Variants in CA10 observed in about 807,000 individuals in gnomAD.
CA10 encodes carbonic anhydrase-related protein 10.
A neutral mutation model predicts 44.2 loss-of-function variants in CA10; 14 were observed. That is an observed-to-expected ratio of 0.32 (90% CI 0.21 to 0.50). CA10 has a LOEUF of 0.50. Ranked by LOEUF, CA10 falls within the 20% of genes least tolerant of loss-of-function variation. The pLI, the probability that CA10 is intolerant of heterozygous loss-of-function variation, is 0.99. For missense variants in CA10, 350 were observed against 409.7 expected, an observed-to-expected ratio of 0.85 and a Z score of 1.26; for synonymous variants, 159 against 141.6, an observed-to-expected ratio of 1.12 and a Z score of -0.87.
intron 4 of CA10, among the ~76,000 whole-genome samples, chr17:51,743,583 T>C (rs1904547624): frequency 6.6e-6 from 1 of 152,214 alleles, no homozygotes; most frequent in Non-Finnish European, 1.5e-5. Context: ...ACAAAGCAAA[T>C]GATTACCATC....
intron 6 of CA10, among the ~76,000 whole-genome samples, chr17:51,643,135 C>T (rs943960908): frequency 2.6e-5 from 4 of 152,156 alleles, no homozygotes; most frequent in Non-Finnish European, 5.9e-5. Flanking sequence ...CTTTGCACTT[C>T]ATTGGTCACT....
At chr17:51,778,278 G>A (rs867984481) in intron 3 of CA10, among the ~76,000 whole-genome samples, 3 of 152,120 alleles carry the variant, frequency 2.0e-5, no homozygotes. Context: ...GGACAAAGCC[G>A]CTATTGGGCA....
chr17:51,785,896 A>C (rs191152466), intron 3 of CA10, among the ~76,000 whole-genome samples: 119 of 152,370 alleles, frequency 7.8e-4, no homozygotes, highest in African/African-American at 2.7e-3. Flanking sequence ...TGCCTTGGGC[A>C]GTATGGACAT....
At chr17:52,026,703 C>T (rs1160233043) in intron 2 of CA10, among the ~76,000 whole-genome samples, 1 of 152,072 alleles carries the variant, frequency 6.6e-6, no homozygotes, top group East Asian at 1.9e-4. Flanking sequence ...CTTTATAAAA[C>T]CCTGAGATTT....
At chr17:51,735,830 T>TAA (rs11402207) in intron 4 of CA10, among the ~76,000 whole-genome samples, 2,342 of 147,178 alleles carry the variant, frequency 0.016, 47 homozygotes, top group African/African-American at 0.041. Context: ...AAAAACAAAG[T>TAA]AAAAAAAAAA....
chr17:51,760,577 G>T (rs1905190924), intron 3 of CA10, among the ~76,000 whole-genome samples: 1 of 152,218 alleles, frequency 6.6e-6, no homozygotes, highest in Admixed American at 6.5e-5. Flanking sequence ...TGCAGGAAAA[G>T]GAGGGGATGG....
intron 3 of CA10, among the ~76,000 whole-genome samples, chr17:51,813,379 A>C (rs1478720921): frequency 1.3e-5 from 2 of 152,226 alleles, no homozygotes; most frequent in Non-Finnish European, 2.9e-5. Flanking sequence ...GGCTTCCATC[A>C]GGCGCTGGCC....
chr17:52,159,983 GA>G (rs1989906787), upstream of CA10: 1 of 152,172 alleles, frequency 6.6e-6, no homozygotes, highest in Admixed American at 6.5e-5. Flanking sequence ...GAAGATCCAG[GA>G]TTTCTCGGCG....
chr17:51,962,356 T>C (rs577145023), intron 2 of CA10, among the ~76,000 whole-genome samples: 6 of 152,348 alleles, frequency 3.9e-5, no homozygotes, highest in Non-Finnish European at 7.3e-5. Context: ...TTGGTGCTGA[T>C]GCATGTGGCT....
chr17:51,751,274 AAG>A (rs1904881015), intron 3 of CA10, among the ~76,000 whole-genome samples: 1 of 152,210 alleles, frequency 6.6e-6, no homozygotes, highest in Admixed American at 6.5e-5. Flanking sequence ...GGGAGGGAGG[AAG>A]AGAGAGTTAG....
chr17:52,072,851 C>G (rs1004597330), intron 1 of CA10, among the ~76,000 whole-genome samples: 2 of 151,930 alleles, frequency 1.3e-5, no homozygotes, highest in African/African-American at 4.8e-5. Context: ...AAAGGTATAC[C>G]CAGCCAGCTT....
intron 6 of CA10, among the ~76,000 whole-genome samples, chr17:51,645,177 C>A (rs539073069): frequency 8.5e-5 from 13 of 152,162 alleles, no homozygotes; most frequent in African/African-American, 3.1e-4. Flanking sequence ...ATGGTCAGTG[C>A]CATCGTCTCA....
intron 3 of CA10, among the ~76,000 whole-genome samples, chr17:51,827,214 G>T (rs902935888): frequency 6.6e-6 from 1 of 152,086 alleles, no homozygotes; most frequent in Non-Finnish European, 1.5e-5. Context: ...ATACCTTTGG[G>T]AGACACAAAG....
At chr17:52,031,938 G>A (rs1598176314) in intron 2 of CA10, among the ~76,000 whole-genome samples, 1 of 151,946 alleles carries the variant, frequency 6.6e-6, no homozygotes, top group East Asian at 1.9e-4. Context: ...TTTAACAGAG[G>A]GACCAAAATT....
intron 3 of CA10, among the ~76,000 whole-genome samples, chr17:51,831,675 G>GCAGCAGCAGCATCAGCAGCAGCAT (rs1908252691): frequency 2.3e-5 from 1 of 43,264 alleles, no homozygotes; most frequent in African/African-American, 8.3e-5. Flanking sequence ...AAAAGCAGCA[G>GCAGCAGCAGCATCAGCAGCAGCAT]CAGCAGCAGC....
chr17:52,045,942 T>A (rs899133345), intron 2 of CA10, among the ~76,000 whole-genome samples: 2 of 151,670 alleles, frequency 1.3e-5, no homozygotes, highest in Non-Finnish European at 2.9e-5. Context: ...CCTAGGAAAA[T>A]TTTAAGATAT....
At chr17:52,053,779 A>C (rs2970028) in intron 2 of CA10, among the ~76,000 whole-genome samples, 150,820 of 152,186 alleles carry the variant, frequency 0.99, 74,749 homozygotes, top group East Asian at 1. Flanking sequence ...ATGGACATTT[A>C]TTAGTTCCCC....
At chr17:51,640,597 A>G (rs1467189659) in intron 6 of CA10, among the ~76,000 whole-genome samples, 2 of 152,210 alleles carry the variant, frequency 1.3e-5, no homozygotes, top group African/African-American at 4.8e-5. Flanking sequence ...TTTGAAAGCC[A>G]CTGGCTAACT....
chr17:52,125,417 A>G (rs1472808846), intron 1 of CA10, among the ~76,000 whole-genome samples: 1 of 152,192 alleles, frequency 6.6e-6, no homozygotes, highest in Non-Finnish European at 1.5e-5. Context: ...ATCCCAGAGT[A>G]TCTAAGAACC....
Sources: allele counts gnomAD v4.1 joint callset (sites outside exome capture counted in the v4.1 genomes callset), GRCh38; gene constraint gnomAD v4.1.1; transcripts MANE v1.5; gene names NCBI Gene and HGNC (gene_info 2026-07-23, HGNC 2026-07-21).